Variants in OTX2 observed in about 807,000 individuals in gnomAD.
OTX2 encodes homeobox protein OTX2.
OTX2 carries 4 observed loss-of-function variants against 29.0 expected under a neutral mutation model. That is an observed-to-expected ratio of 0.14 (90% CI 0.07 to 0.32). The LOEUF (loss-of-function observed/expected upper bound fraction) is 0.32, where lower values mean the gene tolerates loss of function less well. Ranked by LOEUF, OTX2 falls within the 10% of genes least tolerant of loss-of-function variation. The pLI is 1.00. For synonymous variants in OTX2, 134 were observed against 141.0 expected, an observed-to-expected ratio of 0.95 and a Z score of 0.35; for missense variants, 298 against 365.9, an observed-to-expected ratio of 0.81 and a Z score of 1.51.
chr14:56,809,609 C>G (rs1398189978), intron 2 of OTX2, among the ~76,000 whole-genome samples: 1 of 152,112 alleles, frequency 6.6e-6, no homozygotes, highest in Non-Finnish European at 1.5e-5. Context: ...GGGGCTCGAG[C>G]GGCGGCCCCC....
intron 2 of OTX2, among the ~76,000 whole-genome samples, chr14:56,807,078 C>CAG (rs1892113016): frequency 6.6e-6 from 1 of 152,158 alleles, no homozygotes; most frequent in Non-Finnish European, 1.5e-5. Flanking sequence ...GATTTAAATT[C>CAG]AGAGCACAAA....
Position 56,802,220 on chromosome 14 carries a change from C to T in OTX2, c.409G>A (p.Gly137Ser). ...REVSSESGTS[G>S]QFTPPSSTSV... is the part of the protein sequence containing the mutation. The stretch of plus-strand genomic sequence containing the variant: ...GTGCTAGAGGGGGGAGTGAATTGGC[C>T]ACTTGTTCCACTCTCTGAACTCACT... Residue 137 changes from glycine to serine, a missense_variant, in exon 5 of 5, where the codon GGC (glycine) becomes AGC (serine). By Grantham distance (56) the Gly-to-Ser change is moderately conservative. This residue lies in a region of OTX2 where 219 missense variants were observed against 223.5 expected (regional missense o/e 0.98). Transcript: ENST00000672264. This position sits in a 1 kb window ranked among gnomAD's most constrained non-coding sequence, Gnocchi z 4.4. 1.2e-6 allele frequency: 2 copies of T among 1,614,086 alleles called. No homozygotes were observed. Among genetic ancestry groups the T allele is most frequent in the East Asian group, 2.2e-5 (1 of 44,884 alleles).
chr14:56,801,650 C>T lies in OTX2; in HGVS notation c.*85G>A. 6.8e-7 allele frequency: 1 copy of T among 1,469,128 alleles called. No homozygotes were observed. The highest frequency in any genetic ancestry group is 9.5e-7 in the Non-Finnish European group (1 of 1,051,450). The allele number at this position is 1,469,128 out of a possible 1,614,324, so 91.0% of individuals were successfully genotyped here. On this transcript the variant is annotated 3_prime_UTR_variant, in exon 5 of 5. Coordinates refer to ENST00000672264, the MANE Select transcript of OTX2 (RefSeq NM_021728.4). The surrounding 1 kb of genome is among the most constrained non-coding windows in gnomAD (Gnocchi z 4.2). ...TGAGTCTGAGCATCATCCCATCTAACTCTTTTAACCAATGCCTGGCTAAAA... is the reference window on the plus strand; with the variant it reads ...TGAGTCTGAGCATCATCCCATCTAATTCTTTTAACCAATGCCTGGCTAAAA...
chr14:56,809,145 A>G (rs955846420), intron 2 of OTX2, among the ~76,000 whole-genome samples: 10 of 152,012 alleles, frequency 6.6e-5, no homozygotes, highest in Non-Finnish European at 1.0e-4. Flanking sequence ...GCCAGAGAAC[A>G]GCTGAGGGGC....
At chr14:56,809,220 C>T (rs1047859411) in intron 2 of OTX2, among the ~76,000 whole-genome samples, 6 of 152,188 alleles carry the variant, frequency 3.9e-5, no homozygotes, top group Admixed American at 3.9e-4. Context: ...GCAGGGGCCA[C>T]TAGCTGCCAC....
chr14:56,801,505 A>G lies in OTX2; in HGVS notation c.*230T>C, dbSNP rs1224139958. On this transcript the variant is annotated 3_prime_UTR_variant, in exon 5 of 5. Coordinates refer to ENST00000672264, the MANE Select transcript of OTX2 (RefSeq NM_021728.4). The surrounding 1 kb of genome is among the most constrained non-coding windows in gnomAD (Gnocchi z 4.2). ...ATCACTTTGCAAATCAGGATAACCAATGATCTAAAACTATGACAGGATCTT... is the reference window on the plus strand; with the variant it reads ...ATCACTTTGCAAATCAGGATAACCAGTGATCTAAAACTATGACAGGATCTT... 1 of 581,676 alleles carries G rather than the reference A, an allele frequency of 1.7e-6. No individual in the cohort carries two copies. Among genetic ancestry groups the G allele is most frequent in the Non-Finnish European group, 3.1e-6 (1 of 326,892 alleles). 36.0% of individuals were successfully genotyped at this position (581,676 alleles called of 1,614,324 possible). A position where few individuals can be genotyped will look rare whatever the true frequency, so the allele number is the denominator to read the frequency against.
rs755578825 is a variant in OTX2, at chr14:56,802,027, G to T, written c.602C>A (p.Thr201Asn). ...ACAGTCCATGCCCCCAAAGTAGGAA[G>T]TTGAGCCAGCATATCCTTGACTATA... ...SGYSQGYAGSTSYFGGMDCGS... is the reference protein window; with the variant it reads ...SGYSQGYAGSNSYFGGMDCGS... The change falls in exon 5 of 5, where the codon ACT becomes AAT. Residue 201 changes from threonine to asparagine, a missense_variant. Physicochemically the swap from Thr to Asn is moderately conservative, Grantham distance 65. Around this residue, in one of 3 missense-constraint regions of OTX2, gnomAD observed 219 missense variants for 223.5 expected, o/e 0.98. Transcript: ENST00000672264. The surrounding 1 kb of genome is among the most constrained non-coding windows in gnomAD (Gnocchi z 4.4). 7.4e-6 allele frequency: 12 copies of T among 1,614,086 alleles called. No individual in the cohort carries two copies. The Admixed American group carries it at 1.3e-4, about 18-fold the overall frequency.
intron 2 of OTX2, among the ~76,000 whole-genome samples, chr14:56,808,482 ACT>A (rs1892165666): frequency 6.6e-6 from 1 of 151,844 alleles, no homozygotes; most frequent in Non-Finnish European, 1.5e-5. Flanking sequence ...GAATCAAATA[ACT>A]CTGCCACCCG....
rs764625033 is a variant in OTX2 at position 56,802,267 on chromosome 14, T to C, written c.362A>G (p.Lys121Arg). The C allele has an allele frequency of 1.2e-6, 2 of 1,614,184 alleles. No homozygotes were observed. Among genetic ancestry groups the C allele is most frequent in the South Asian group, 2.2e-5 (2 of 91,078 alleles). The change falls in exon 5 of 5, where the codon AAG becomes AGG. Residue 121 changes from lysine (K) to arginine (R), a missense_variant. Around this residue, in one of 3 missense-constraint regions of OTX2, gnomAD observed 219 missense variants for 223.5 expected, o/e 0.98. Coordinates refer to ENST00000672264, the MANE Select transcript of OTX2 (RefSeq NM_021728.4). The surrounding 1 kb of genome is among the most constrained non-coding windows in gnomAD (Gnocchi z 4.4). ...GGQNKVRPAKKKTSPAREVSS... is the reference protein window; with the variant it reads ...GGQNKVRPAKRKTSPAREVSS... ...CACTTCCCGAGCTGGAGATGTCTTC[T>C]TTTTGGCAGGTCTCACTTTGTTTTG...
chr14:56,805,360 C>G lies in OTX2; in HGVS notation c.97G>C (p.Gly33Arg). 6.2e-7 allele frequency: 1 copy of G among 1,606,510 alleles called. No homozygotes were observed. Among genetic ancestry groups the G allele is most frequent in the Non-Finnish European group, 8.5e-7 (1 of 1,173,208 alleles). ...CGGGAGTGCAGCAGGGCTCACTTAC[C>G]CGGGTAGCCCACGGAGGGGTGCAGC... is the stretch of plus-strand genomic sequence containing the variant. ...DLLHPSVGYP[G>R]PWASCPAATP... Residue 33 changes from glycine to arginine, a missense_variant and splice_region_variant, in exon 3 of 5, where the codon GGG becomes CGG. Physicochemically the swap from Gly to Arg is moderately radical, Grantham distance 125 (BLOSUM62 -2). Around this residue, in one of 3 missense-constraint regions of OTX2, gnomAD observed 50 missense variants for 57.6 expected, o/e 0.87. Coordinates refer to ENST00000672264, the MANE Select transcript of OTX2 (RefSeq NM_021728.4).
chr14:56,805,710 C>A, intron 2 of OTX2, 135 bp from the exon 3 acceptor site: 2 of 468,474 alleles, frequency 4.3e-6, no homozygotes, highest in Non-Finnish European at 7.8e-6. Context: ...CTTGCAGACA[C>A]TCCCCCCACC....
chr14:56,804,076 G>A lies in OTX2; in HGVS notation c.273+112C>T. The A allele has an allele frequency of 3.9e-6, 5 of 1,272,478 alleles. No individual in the cohort carries two copies. Among genetic ancestry groups the A allele is most frequent in the South Asian group, 3.7e-5 (3 of 81,694 alleles). 78.8% of individuals were successfully genotyped at this position (1,272,478 alleles called of 1,614,324 possible). On this transcript the variant is annotated intron_variant, in intron 4 of 4. Transcript: ENST00000672264. The surrounding 1 kb of genome is among the most constrained non-coding windows in gnomAD (Gnocchi z 4.1). ...TTTCCTGGCCCCTTAGTGAGTGAAG[G>A]AGAATTTCAAGCCTTCCTTCAGTCC...
intron 2 of OTX2, among the ~76,000 whole-genome samples, chr14:56,806,141 G>A (rs1032384643): frequency 1.3e-5 from 2 of 152,116 alleles, no homozygotes; most frequent in Non-Finnish European, 2.9e-5. Flanking sequence ...CAACTGCTGC[G>A]AACCTAAAAT....
intron 4 of OTX2, among the ~76,000 whole-genome samples, chr14:56,803,905 G>C (rs559464266): frequency 6.6e-6 from 1 of 151,784 alleles, no homozygotes; most frequent in African/African-American, 2.4e-5. Flanking sequence ...TCTATACAGA[G>C]GAAGGGAAGG....
rs886050560 is a variant in OTX2 at position 56,805,587 on chromosome 14, GCAAA to G, written c.-119-16_-119-13del. 5.8e-5 allele frequency: 40 copies of G among 695,038 alleles called. 1 individual carries two copies. The highest frequency in any genetic ancestry group is 2.3e-4 in the African/African-American group (13 of 57,122). The allele number at this position is 695,038 out of a possible 1,614,324, so 43.1% of individuals were successfully genotyped here. On this transcript the variant is annotated splice_polypyrimidine_tract_variant and intron_variant, in intron 2 of 4. Coordinates refer to ENST00000672264, the MANE Select transcript of OTX2 (RefSeq NM_021728.4). ...TTGGAGCAGTGGAACTAAGGGCAAA[GCAAA>G]CAAACAAACAGAGGGGCTGGTTTAC...
intron 2 of OTX2, among the ~76,000 whole-genome samples, chr14:56,809,917 G>A (rs1251776593): frequency 1.3e-5 from 2 of 152,146 alleles, no homozygotes; most frequent in Admixed American, 1.3e-4. Context: ...TTGCAGAAGC[G>A]ACGACCCCCA....
At position 56,802,130 on chromosome 14, in the gene OTX2, G is replaced by C; in HGVS notation, c.499C>G (p.Pro167Ala). 6.2e-7 allele frequency: 1 copy of C among 1,614,138 alleles called. No homozygotes were observed. The highest frequency in any genetic ancestry group is 8.5e-7 in the Non-Finnish European group (1 of 1,180,006). The change falls in exon 5 of 5, where the codon CCA becomes GCA. Residue 167 changes from proline (P) to alanine (A), a missense_variant. Pro to Ala is a conservative substitution (Grantham distance 27, BLOSUM62 -1). Transcript: ENST00000672264. The surrounding 1 kb of genome is among the most constrained non-coding windows in gnomAD (Gnocchi z 4.4). Reference protein sequence around the residue: ...VSIWSPASISPLSDPLSTSSS... With the variant: ...VSIWSPASISALSDPLSTSSS... ...GAGGTGGACAAGGGATCTGACAGTG[G>C]GGAGATGGAAGCTGGGCTCCAGATA... is the stretch of plus-strand genomic sequence containing the variant.
At chr14:56,803,103 C>A (rs1197744409) in intron 4 of OTX2, among the ~76,000 whole-genome samples, 5 of 152,200 alleles carry the variant, frequency 3.3e-5, no homozygotes, top group Non-Finnish European at 7.4e-5. Context: ...TGTTTACTGA[C>A]TTACCACTTC....
chr14:56,804,399 G>C lies in OTX2; in HGVS notation c.98-36C>G. On this transcript the variant is annotated intron_variant, in intron 3 of 4. Transcript: ENST00000672264. This position sits in a 1 kb window ranked among gnomAD's most constrained non-coding sequence, Gnocchi z 4.1. ...GGGGAGCAGTTTCTCAGTCATAGGC[G>C]TTTCCGCGGGTTCTCCGACGCCCCT... The C allele has an allele frequency of 6.3e-7, 1 of 1,586,222 alleles. No homozygotes were observed. Among genetic ancestry groups the C allele is most frequent in the South Asian group, 1.1e-5 (1 of 88,074 alleles).
Sources: gnomAD v4.1 joint callset for allele counts (sites outside exome capture counted in the v4.1 genomes callset) on GRCh38, gnomAD v4.1.1 for gene constraint, gnomAD v4.1.1 regional missense constraint, Gnocchi (gnomAD v3.1) non-coding constraint, MANE v1.5 for transcripts, NCBI Gene and HGNC (gene_info 2026-07-23, HGNC 2026-07-21) for gene names.